The following TMCO1 variants were observed in gnomAD, a reference collection of about 807,000 sequenced individuals.
The protein encoded by TMCO1 is transmembrane and coiled-coil domains 1.
A neutral mutation model predicts 29.3 loss-of-function variants in TMCO1; 29 were observed. That is an observed-to-expected ratio of 0.99 (90% CI 0.74 to 1.35). TMCO1 has a LOEUF of 1.35. Among genes scored for constraint, TMCO1 ranks in the 40% most tolerant of loss-of-function variants. The pLI is 0.00. For synonymous variants in TMCO1, 80 were observed against 77.1 expected, an observed-to-expected ratio of 1.04 and a Z score of -0.20; for missense variants, 173 against 225.5, an observed-to-expected ratio of 0.77 and a Z score of 1.49.
intron 5 of TMCO1, among the ~76,000 whole-genome samples, chr1:165,747,743 A>G (rs1651852038): frequency 6.6e-6 from 1 of 152,246 alleles, no homozygotes; most frequent in South Asian, 2.1e-4. Context: ...TCTGAGAGAC[A>G]GGGTTAAACC....
chr1:165,737,943 A>T (rs562771203), intron 6 of TMCO1, among the ~76,000 whole-genome samples: 1 of 152,282 alleles, frequency 6.6e-6, no homozygotes, highest in Admixed American at 6.5e-5. Context: ...CAGCCCACCA[A>T]CAGCTCTAGA....
intron 5 of TMCO1, among the ~76,000 whole-genome samples, chr1:165,750,749 C>G (rs73022555): frequency 0.013 from 2,017 of 152,122 alleles, 52 homozygotes; most frequent in African/African-American, 0.047. Flanking sequence ...AACACAGTGA[C>G]ACCTTGTCTG....
intron 6 of TMCO1, among the ~76,000 whole-genome samples, chr1:165,738,400 C>A (rs1030437657): frequency 6.6e-6 from 1 of 152,186 alleles, no homozygotes; most frequent in Non-Finnish European, 1.5e-5. Flanking sequence ...TTTCTGAAAT[C>A]CTCATATTCT....
Position 165,730,359 on chromosome 1 carries a change from A to AC in TMCO1, c.469-2239_469-2238insG, listed in dbSNP as rs200796708. On this transcript the variant is annotated intron_variant, in intron 6 of 6. Transcript: ENST00000367881. ...CAAAACAAAAACAAAACAAAACAAA[A>AC]AAAAAAAAAGAATGTGTATTGAGGT... Among the ~76,000 whole-genome samples the AC allele has an allele frequency of 4.3e-3, 476 of 110,766 alleles. 1 individual carries two copies. The highest frequency in any genetic ancestry group is 5.9e-3 in the Non-Finnish European group (299 of 50,404). The allele number at this position is 110,766 out of a possible 152,430, so 72.7% of individuals were successfully genotyped here.
downstream of TMCO1, chr1:165,725,471 C>A: frequency 2.2e-6 from 1 of 454,086 alleles, no homozygotes. Context: ...CTCAGGTTTA[C>A]TGTCATTTTT....
chr1:165,746,947 A>G (rs911932486), intron 5 of TMCO1, among the ~76,000 whole-genome samples: 3 of 152,162 alleles, frequency 2.0e-5, no homozygotes, highest in African/African-American at 4.8e-5. Context: ...AAGATGTCCA[A>G]TTAGAAAATA....
chr1:165,749,979 A>C (rs1404491738), intron 5 of TMCO1, among the ~76,000 whole-genome samples: 1 of 152,196 alleles, frequency 6.6e-6, no homozygotes, highest in Non-Finnish European at 1.5e-5. Context: ...AAAATTTGAA[A>C]GAAATATTAT....
At chr1:165,732,450 A>C (rs1651202766) in intron 6 of TMCO1, among the ~76,000 whole-genome samples, 1 of 150,384 alleles carries the variant, frequency 6.6e-6, no homozygotes. Context: ...AAAAAATCAC[A>C]ATTATGCTGT....
chr1:165,740,464 C>CA (rs1651552068), intron 6 of TMCO1, among the ~76,000 whole-genome samples: 1 of 152,096 alleles, frequency 6.6e-6, no homozygotes, highest in Non-Finnish European at 1.5e-5. Flanking sequence ...CTCGACCTCC[C>CA]AAAGTGCTGG....
Position 165,752,163 on chromosome 1 carries a change from T to C in TMCO1, c.262A>G (p.Met88Val), listed in dbSNP as rs760232273. ...NNNRDLSMVR[M>V]KSMFAIGFCF... ...AAGCCAATAGCAAACATGGATTTCA[T>C]TCGAACCTGTAATGAGACGAACAAA... The change falls in exon 5 of 7, where the codon ATG becomes GTG. Residue 88 changes from methionine (M) to valine (V), a missense_variant. Physicochemically the swap from Met to Val is conservative, Grantham distance 21. Transcript: ENST00000367881. 2 of 1,612,856 alleles carry C rather than the reference T, an allele frequency of 1.2e-6. No homozygotes were observed. The highest frequency in any genetic ancestry group is 2.7e-5 in the African/African-American group (2 of 74,762).
At chr1:165,758,993 T>C (rs1190369856) in intron 3 of TMCO1, among the ~76,000 whole-genome samples, 3 of 152,200 alleles carry the variant, frequency 2.0e-5, no homozygotes, top group Admixed American at 2.0e-4. Context: ...AAACAAATCA[T>C]ATACAATCCT....
At chr1:165,748,973 T>C (rs1651900789) in intron 5 of TMCO1, among the ~76,000 whole-genome samples, 1 of 152,170 alleles carries the variant, frequency 6.6e-6, no homozygotes, top group Non-Finnish European at 1.5e-5. Context: ...CACTTAAAAT[T>C]ATGCATTTAA....
chr1:165,732,054 G>A (rs971497462), intron 6 of TMCO1, among the ~76,000 whole-genome samples: 1 of 152,156 alleles, frequency 6.6e-6, no homozygotes, highest in Admixed American at 6.5e-5. Context: ...GATTTCCCCT[G>A]CTTTTCCATC....
chr1:165,727,333 C>T lies in TMCO1; in HGVS notation c.*690G>A, dbSNP rs1650939977. On this transcript the variant is annotated 3_prime_UTR_variant, in exon 7 of 7. Transcript: ENST00000367881. ...GACATCAGTGTTACTTGCCAAGACC[C>T]TCATTTTTAAACTCCAACGAGTTAT... is the stretch of plus-strand genomic sequence containing the variant. 2.2e-6 allele frequency: 1 copy of T among 453,372 alleles called. No homozygotes were observed. Among genetic ancestry groups the T allele is most frequent in the Non-Finnish European group, 4.4e-6 (1 of 226,608 alleles). 28.1% of individuals were successfully genotyped at this position (453,372 alleles called of 1,614,324 possible). A position where few individuals can be genotyped will look rare whatever the true frequency, so the allele number is the denominator to read the frequency against.
intron 6 of TMCO1, 49 bp downstream of exon 6, chr1:165,743,118 T>C (rs1651656703): frequency 6.2e-7 from 1 of 1,606,422 alleles, no homozygotes; most frequent in African/African-American, 1.3e-5. Context: ...CTAATTGGTA[T>C]GACAGCAAGG....
intron 3 of TMCO1, 33 bp downstream of exon 3, chr1:165,759,492 C>T: frequency 5.2e-6 from 8 of 1,544,582 alleles, no homozygotes; most frequent in Non-Finnish European, 7.1e-6. Context: ...TTAAGAAAAC[C>T]CAAATTTCAT....
At chr1:165,737,886 T>G (rs1295430731) in intron 6 of TMCO1, among the ~76,000 whole-genome samples, 1 of 152,206 alleles carries the variant, frequency 6.6e-6, no homozygotes, top group Non-Finnish European at 1.5e-5. Flanking sequence ...TACCATGAGG[T>G]GAAGATTCAG....
chr1:165,745,967 C>T (rs1354377539), intron 5 of TMCO1, among the ~76,000 whole-genome samples: 3 of 152,020 alleles, frequency 2.0e-5, no homozygotes, highest in South Asian at 4.1e-4. Flanking sequence ...AAGAAAGTTG[C>T]TGAAAATAAT....
chr1:165,734,829 G>T (rs575397533), intron 6 of TMCO1, among the ~76,000 whole-genome samples: 58 of 152,096 alleles, frequency 3.8e-4, no homozygotes, highest in African/African-American at 1.3e-3. Flanking sequence ...GTTTTGTTTT[G>T]TTTTGTTTTT....
Sources: gnomAD v4.1 joint callset for allele counts (sites outside exome capture counted in the v4.1 genomes callset) on GRCh38, gnomAD v4.1.1 for gene constraint, MANE v1.5 for transcripts, NCBI Gene and HGNC (gene_info 2026-07-23, HGNC 2026-07-21) for gene names.